ZFHX3: variants seen among roughly 807,000 people sequenced by gnomAD.
ZFHX3 encodes zinc finger homeobox 3, also known as zinc finger homeobox protein 3.
A neutral mutation model predicts 279.1 loss-of-function variants in ZFHX3; 42 were observed. The ratio of observed to expected loss-of-function variants is 0.15; its 90% confidence interval spans 0.12 to 0.19. The LOEUF (loss-of-function observed/expected upper bound fraction) is 0.19, where lower values mean the gene tolerates loss of function less well. Among genes scored for constraint, ZFHX3 ranks in the 10% least tolerant of loss-of-function variants. ZFHX3 has a pLI of 1.00. For missense variants in ZFHX3, 4,981 were observed against 4,754.0 expected, an observed-to-expected ratio of 1.05 and a Z score of -1.40; for synonymous variants, 2,293 against 1,957.8, an observed-to-expected ratio of 1.17 and a Z score of -4.52.
chr16:73,749,838 G>A (rs140477511), intron 1 of ZFHX3, among the ~76,000 whole-genome samples: 1 of 152,208 alleles, frequency 6.6e-6, no homozygotes. Context: ...GGGCAGCCTT[G>A]GATGGCCCTG....
chr16:73,191,345 G>A (rs1486508353), intron 5 of ZFHX3, among the ~76,000 whole-genome samples: 1 of 152,146 alleles, frequency 6.6e-6, no homozygotes, highest in Non-Finnish European at 1.5e-5. Flanking sequence ...CAAGGAGGCG[G>A]TGATGATATT....
At chr16:73,164,200 C>T (rs993745884) in intron 5 of ZFHX3, among the ~76,000 whole-genome samples, 13 of 152,182 alleles carry the variant, frequency 8.5e-5, no homozygotes, top group African/African-American at 3.1e-4. Flanking sequence ...CTGAATCTCT[C>T]TGTCCTTCAA....
At chr16:73,810,105 T>G (rs544865302) in intron 1 of ZFHX3, among the ~76,000 whole-genome samples, 27 of 152,264 alleles carry the variant, frequency 1.8e-4, no homozygotes, top group African/African-American at 6.5e-4. Flanking sequence ...AGGCTTAATA[T>G]TCAGTATTTA....
chr16:73,700,448 T>C (rs2053236439), intron 1 of ZFHX3, among the ~76,000 whole-genome samples: 1 of 152,224 alleles, frequency 6.6e-6, no homozygotes, highest in African/African-American at 2.4e-5. Context: ...CGTGTGTTAC[T>C]TAATGAATGG....
At chr16:72,913,014 C>T (rs907529910) in intron 3 of ZFHX3, among the ~76,000 whole-genome samples, 2 of 152,230 alleles carry the variant, frequency 1.3e-5, no homozygotes, top group Non-Finnish European at 2.9e-5. Flanking sequence ...TGAGCCACCA[C>T]GCCCAGCCCT....
intron 8 of ZFHX3, chr16:73,092,932 A>G: frequency 1.9e-6 from 1 of 520,088 alleles, no homozygotes; most frequent in Non-Finnish European, 3.8e-6. Flanking sequence ...TGCTAGTTGC[A>G]GAGAAAAGCC....
chr16:73,812,142 C>A (rs2142337776), intron 1 of ZFHX3, among the ~76,000 whole-genome samples: 1 of 152,196 alleles, frequency 6.6e-6, no homozygotes, highest in South Asian at 2.1e-4. Flanking sequence ...ACTCATTCAC[C>A]AACCAGGGCA....
chr16:73,874,238 A>G (rs369955256), intron 1 of ZFHX3, among the ~76,000 whole-genome samples: 25 of 152,292 alleles, frequency 1.6e-4, no homozygotes, highest in African/African-American at 6.0e-4. Flanking sequence ...TAGGAAGAAA[A>G]AAGACTTCAA....
In ZFHX3 at chr16:73,175,381, A is replaced by AAAACAAAC. The variant is rs111246395; in HGVS notation, c.-1103-31558_-1103-31551dup. On this transcript the variant is annotated intron_variant, in intron 5 of 17. Coordinates refer to the ZFHX3 transcript ENST00000641206. ...GGCAACAGAGAGAGACTATGTCTCC[A>AAAACAAAC]AAACAAACAAACAAACAAACAAAAA... is the stretch of plus-strand genomic sequence containing the variant. Among the ~76,000 whole-genome samples, 341 of 150,518 alleles carry AAAACAAAC rather than the reference A, an allele frequency of 2.3e-3. 2 individuals carry two copies. The highest frequency in any genetic ancestry group is 7.2e-3 in the African/African-American group (292 of 40,428).
At chr16:73,249,128 C>T (rs1365019212) in intron 5 of ZFHX3, among the ~76,000 whole-genome samples, 1 of 152,142 alleles carries the variant, frequency 6.6e-6, no homozygotes, top group Admixed American at 6.5e-5. Context: ...TTAAAGATGG[C>T]CTTGTACTTG....
At chr16:72,887,273 C>T (rs932388475) in intron 4 of ZFHX3, among the ~76,000 whole-genome samples, 2 of 151,982 alleles carry the variant, frequency 1.3e-5, no homozygotes, top group Admixed American at 6.6e-5. Flanking sequence ...TAGAGCAGAG[C>T]GTTCAGAGAT....
chr16:73,389,735 T>C (rs1167393257), intron 3 of ZFHX3, among the ~76,000 whole-genome samples: 1 of 152,218 alleles, frequency 6.6e-6, no homozygotes, highest in East Asian at 1.9e-4. Flanking sequence ...TTCTGCCCTT[T>C]GGGGCCAGTC....
intron 1 of ZFHX3, among the ~76,000 whole-genome samples, chr16:73,708,893 C>T (rs1451898433): frequency 2.6e-5 from 4 of 152,148 alleles, no homozygotes; most frequent in Admixed American, 6.5e-5. Flanking sequence ...CAAAGTCTGC[C>T]TGGACATGGC....
Position 72,889,746 on chromosome 16 carries a change from G to T in ZFHX3, c.3433C>A (p.Pro1145Thr), listed in dbSNP as rs752056504. ...LGQIFTIRRC[P>T]STDPEEAIED... The stretch of plus-strand genomic sequence containing the variant: ...GACCACTCACCTGGGTCCGTGGAGG[G>T]GCACCTGCGGATGGTGAAGATCTGC... Residue 1145 changes from proline (P) to threonine (T), a missense_variant, in exon 4 of 10, where the codon CCC becomes ACC. Physicochemically the swap from Pro to Thr is conservative, Grantham distance 38. Transcript: ENST00000268489. The T allele has an allele frequency of 6.2e-7, 1 of 1,612,442 alleles. No homozygotes were observed. The highest frequency in any genetic ancestry group is 8.5e-7 in the Non-Finnish European group (1 of 1,179,932).
Position 72,788,716 on chromosome 16 carries a change from G to C in ZFHX3, c.9560C>G (p.Thr3187Arg). The C allele has an allele frequency of 6.2e-7, 1 of 1,610,054 alleles. No homozygotes were observed. Among genetic ancestry groups the C allele is most frequent in the Non-Finnish European group, 8.5e-7 (1 of 1,177,758 alleles). ...SLSSPTPAQATMAMGPQQPPQ... is the reference protein window; with the variant it reads ...SLSSPTPAQARMAMGPQQPPQ... ...GGGTTGCTGAGGGCCCATCGCCATC[G>C]TGGCTTGTGCTGGGGTTGGGGAGCT... The change falls in exon 10 of 10, where the codon ACG becomes AGG. Residue 3187 changes from threonine to arginine, a missense_variant. Physicochemically the swap from Thr to Arg is moderately conservative, Grantham distance 71 (BLOSUM62 -1). Coordinates refer to ENST00000268489, the MANE Select transcript of ZFHX3 (RefSeq NM_006885.4).
Position 72,793,127 on chromosome 16 carries a change from T to G in ZFHX3, c.9427+128A>C. ...CAGGAACGAACTGAAGTCTTGTTGCTTTTAAAGAACTAGAAAGGTAAGCTT... is the reference window on the plus strand; with the variant it reads ...CAGGAACGAACTGAAGTCTTGTTGCGTTTAAAGAACTAGAAAGGTAAGCTT... On this transcript the variant is annotated intron_variant, in intron 9 of 9. Transcript: ENST00000268489. The surrounding 1 kb of genome is among the most constrained non-coding windows in gnomAD (Gnocchi z 4.3). 1 of 1,479,884 alleles carries G rather than the reference T, an allele frequency of 6.8e-7. No homozygotes were observed. Among genetic ancestry groups the G allele is most frequent in the Non-Finnish European group, 9.0e-7 (1 of 1,111,802 alleles). 91.7% of individuals were successfully genotyped at this position (1,479,884 alleles called of 1,614,324 possible). A position where few individuals can be genotyped will look rare whatever the true frequency, so the allele number is the denominator to read the frequency against.
At chr16:73,564,200 T>C (rs2020417064) in intron 2 of ZFHX3, among the ~76,000 whole-genome samples, 1 of 152,154 alleles carries the variant, frequency 6.6e-6, no homozygotes, top group African/African-American at 2.4e-5. Context: ...CCTCTCCCTA[T>C]CCTGAGTTTG....
chr16:73,506,909 T>A (rs1472398982), intron 2 of ZFHX3, among the ~76,000 whole-genome samples: 1 of 152,120 alleles, frequency 6.6e-6, no homozygotes, highest in Non-Finnish European at 1.5e-5. Flanking sequence ...ATATTTTGTG[T>A]CTAGAAATCC....
intron 1 of ZFHX3, among the ~76,000 whole-genome samples, chr16:73,781,641 A>G (rs2142304316): frequency 6.6e-6 from 1 of 152,322 alleles, no homozygotes; most frequent in Admixed American, 6.5e-5. Flanking sequence ...GATTATAGCC[A>G]GAGTCATAGG....
Sources: allele counts gnomAD v4.1 joint callset (sites outside exome capture counted in the v4.1 genomes callset), GRCh38; gene constraint gnomAD v4.1.1; non-coding constraint Gnocchi (gnomAD v3.1); transcripts MANE v1.5; gene names NCBI Gene and HGNC (gene_info 2026-07-23, HGNC 2026-07-21).